Variants in RSF1 observed in about 807,000 individuals in gnomAD.
RSF1 encodes the protein HBV pX-associated protein 8.
A neutral mutation model predicts 145.2 loss-of-function variants in RSF1; 13 were observed. The observed-to-expected ratio is 0.09, with a 90% confidence interval of 0.06 to 0.14. RSF1 has a LOEUF of 0.14. RSF1 is among the 10% of genes least tolerant of loss of function. RSF1 has a pLI of 1.00. For missense variants in RSF1, 1,517 were observed against 1,718.2 expected (o/e 0.88, Z 2.07); for synonymous variants, 577 against 592.6 (o/e 0.97, Z 0.38).
At chr11:77,729,894 G>GGAAAAAAAAAAAA (rs1565162510) in intron 4 of RSF1, among the ~76,000 whole-genome samples, 1 of 11,776 alleles carries the variant, frequency 8.5e-5, no homozygotes, top group Non-Finnish European at 1.5e-4. Flanking sequence ...TATTCAGTAG[G>GGAAAAAAAAAAAA]CAAAAAAAAA....
intron 15 of RSF1, among the ~76,000 whole-genome samples, chr11:77,671,211 A>ACC: frequency 7.5e-6 from 1 of 133,016 alleles, no homozygotes; most frequent in African/African-American, 2.8e-5. Flanking sequence ...ATATATATAC[A>ACC]CTATATATAT....
Position 77,820,541 on chromosome 11 carries a change from G to A in RSF1, c.174C>T (p.Val58=), listed in dbSNP as rs1168759370. ...ERVLQAPPPD[V]GNGEVPKELV... is the part of the protein sequence containing the mutation. The stretch of plus-strand genomic sequence containing the variant: ...CCCCTCGCTTACCTTCTCCGTTGCC[G>A]ACGTCCGGCGGCGGCGCCTGCAGCA... The change falls in exon 1 of 16, where the codon GTC becomes GTT. Residue 58 remains valine (V), a synonymous_variant. Transcript: ENST00000308488. 1.9e-6 allele frequency: 3 copies of A among 1,548,372 alleles called. No individual in the cohort carries two copies. The highest frequency in any genetic ancestry group is 2.4e-5 in the South Asian group (2 of 83,974).
At chr11:77,809,017 T>C (rs1326954908) in intron 1 of RSF1, among the ~76,000 whole-genome samples, 2 of 152,150 alleles carry the variant, frequency 1.3e-5, no homozygotes, top group African/African-American at 2.4e-5. Flanking sequence ...TTTAAGAGCA[T>C]ACCTGTGGGG....
At chr11:77,746,912 A>T (rs902705233) in intron 3 of RSF1, 124 bp downstream of exon 3, 2 of 547,266 alleles carry the variant, frequency 3.7e-6, no homozygotes, top group Non-Finnish European at 6.5e-6. Context: ...ACTAAAAAAT[A>T]GACTCCATTG....
At chr11:77,839,653 G>A in the RSF1 span, among the ~76,000 whole-genome samples, 4 of 152,190 alleles carry the variant, frequency 2.6e-5, no homozygotes, top group Non-Finnish European at 5.9e-5. Flanking sequence ...AGGGGAACAA[G>A]ATCATGTCCT....
chr11:77,698,445 T>G (rs1465361245), intron 7 of RSF1, 42 bp downstream of exon 7: 9 of 1,561,998 alleles, frequency 5.8e-6, no homozygotes, highest in Non-Finnish European at 7.9e-6. Context: ...AACCTCACCA[T>G]GTCTGTAATA....
At chr11:77,734,353 C>G in intron 4 of RSF1, 1 of 644,284 alleles carries the variant, frequency 1.6e-6, no homozygotes, top group Non-Finnish European at 2.7e-6. Flanking sequence ...TGGCACAAAT[C>G]AAAGAACTTA....
At chr11:77,726,484 TA>T (rs766693473) in intron 4 of RSF1, among the ~76,000 whole-genome samples, 6 of 152,166 alleles carry the variant, frequency 3.9e-5, no homozygotes, top group Non-Finnish European at 5.9e-5. Flanking sequence ...CCTATATTTT[TA>T]CTAGCAAAAA....
At chr11:77,749,912 C>T (rs1400952612) in intron 2 of RSF1, among the ~76,000 whole-genome samples, 1 of 152,006 alleles carries the variant, frequency 6.6e-6, no homozygotes, top group Non-Finnish European at 1.5e-5. Context: ...CCATGCCTGG[C>T]TAATTTTTGT....
At chr11:77,817,051 T>G (rs1244617781) in intron 1 of RSF1, among the ~76,000 whole-genome samples, 1 of 152,202 alleles carries the variant, frequency 6.6e-6, no homozygotes, top group African/African-American at 2.4e-5. Flanking sequence ...GACACAATAG[T>G]CCCTTCTTTC....
chr11:77,813,621 C>T (rs939330460), intron 1 of RSF1: 29 of 616,942 alleles, frequency 4.7e-5, no homozygotes, highest in African/African-American at 2.5e-4. Context: ...GATTCAATTT[C>T]GGTGAACTGC....
At chr11:77,771,001 T>G (rs145811131) in intron 1 of RSF1, among the ~76,000 whole-genome samples, 1 of 152,206 alleles carries the variant, frequency 6.6e-6, no homozygotes, top group African/African-American at 2.4e-5. Flanking sequence ...TGGCTTCTAG[T>G]ATCAGATGTC....
intron 3 of RSF1, among the ~76,000 whole-genome samples, chr11:77,742,497 CTT>C (rs1947952304): frequency 6.6e-6 from 1 of 152,140 alleles, no homozygotes; most frequent in Non-Finnish European, 1.5e-5. Context: ...TCAGGATGGT[CTT>C]GATCTCTTAA....
At chr11:77,838,078 T>C in the RSF1 span, among the ~76,000 whole-genome samples, 2 of 152,122 alleles carry the variant, frequency 1.3e-5, no homozygotes, top group Non-Finnish European at 2.9e-5. Flanking sequence ...GTCTCTTTGA[T>C]ATTAATAATA....
chr11:77,703,112 C>G (rs1263131804), intron 5 of RSF1: 1 of 152,032 alleles, frequency 6.6e-6, no homozygotes, highest in Non-Finnish European at 1.5e-5. Flanking sequence ...TAAAATGATG[C>G]CTTTTATAAA....
chr11:77,863,948 C>T, the RSF1 span, among the ~76,000 whole-genome samples: 1 of 149,630 alleles, frequency 6.7e-6, no homozygotes, highest in Admixed American at 6.6e-5. Flanking sequence ...TTTTTTGAGA[C>T]AGAGTTTCAC....
intron 1 of RSF1, among the ~76,000 whole-genome samples, chr11:77,809,083 C>T (rs1948707043): frequency 6.6e-6 from 1 of 152,168 alleles, no homozygotes; most frequent in Non-Finnish European, 1.5e-5. Flanking sequence ...GTTTTAAATT[C>T]CCACAGCATT....
chr11:77,871,680 T>C, the RSF1 span, among the ~76,000 whole-genome samples: 2 of 152,230 alleles, frequency 1.3e-5, no homozygotes, highest in Non-Finnish European at 2.9e-5. Flanking sequence ...AGAGCTAGCC[T>C]AACATTTCTT....
At chr11:77,845,260 T>C in the RSF1 span, among the ~76,000 whole-genome samples, 1 of 152,130 alleles carries the variant, frequency 6.6e-6, no homozygotes, top group Non-Finnish European at 1.5e-5. Context: ...GTCCTACAGG[T>C]CTCTGAGTCT....
Sources: allele counts gnomAD v4.1 joint callset (sites outside exome capture counted in the v4.1 genomes callset), GRCh38; gene constraint gnomAD v4.1.1; transcripts MANE v1.5; gene names NCBI Gene and HGNC (gene_info 2026-07-23, HGNC 2026-07-21).